FAR1: variants seen among roughly 807,000 people sequenced by gnomAD.
The protein encoded by FAR1 is male sterility domain-containing protein 2.
In FAR1, 22 loss-of-function variants were observed where a neutral mutation model predicts 61.1. That is an observed-to-expected ratio of 0.36 (90% CI 0.26 to 0.51). The LOEUF (loss-of-function observed/expected upper bound fraction) is 0.51, where lower values mean the gene tolerates loss of function less well. FAR1 is among the 20% of genes least tolerant of loss of function. FAR1 has a pLI of 0.95. For synonymous variants in FAR1, 206 were observed against 209.7 expected (o/e 0.98, Z 0.15); for missense variants, 359 against 626.9 (o/e 0.57, Z 4.56).
chr11:13,668,737 C>A lies in FAR1; in HGVS notation c.-77C>A, dbSNP rs983570612. 1.9e-5 allele frequency: 3 copies of A among 155,632 alleles called. No individual in the cohort carries two copies. Among genetic ancestry groups the A allele is most frequent in the Non-Finnish European group, 2.8e-5 (2 of 71,092 alleles). The allele number at this position is 155,632 out of a possible 1,614,324, so 9.6% of individuals were successfully genotyped here. On this transcript the variant is annotated 5_prime_UTR_variant, in exon 1 of 12. Transcript: ENST00000354817. Reference sequence around the variant, plus strand: ...AAAGCGAGTGAAGAGAGCGCGACGGCGGCGGCGGCGGCGGCGCAGCTATTG... The same window carrying A: ...AAAGCGAGTGAAGAGAGCGCGACGGAGGCGGCGGCGGCGGCGCAGCTATTG...
intron 1 of FAR1, among the ~76,000 whole-genome samples, chr11:13,693,171 A>G (rs1461553197): frequency 6.6e-6 from 1 of 152,168 alleles, no homozygotes; most frequent in Non-Finnish European, 1.5e-5. Flanking sequence ...AAATACACTG[A>G]CACTAACAAC....
intron 4 of FAR1, among the ~76,000 whole-genome samples, 158 bp downstream of exon 4, chr11:13,708,237 G>C (rs1043340889): frequency 1.3e-5 from 2 of 151,868 alleles, no homozygotes; most frequent in Non-Finnish European, 2.9e-5. Flanking sequence ...GGTGGCAGGC[G>C]CCTGTAGTCC....
intron 10 of FAR1, among the ~76,000 whole-genome samples, chr11:13,722,878 A>G (rs1848627096): frequency 6.7e-6 from 1 of 148,962 alleles, no homozygotes; most frequent in African/African-American, 2.5e-5. Flanking sequence ...ATATATATAT[A>G]AAATATGTAT....
intron 10 of FAR1, among the ~76,000 whole-genome samples, chr11:13,725,421 TA>T (rs1313336697): frequency 1.4e-5 from 2 of 143,150 alleles, no homozygotes; most frequent in Non-Finnish European, 3.0e-5. Context: ...ACCTAGTACA[TA>T]AAATGTTTAT....
intron 1 of FAR1, among the ~76,000 whole-genome samples, chr11:13,670,301 A>T (rs962638008): frequency 6.6e-6 from 1 of 151,930 alleles, no homozygotes; most frequent in Non-Finnish European, 1.5e-5. Flanking sequence ...TATTTTATAA[A>T]TTTGTGTGTG....
intron 11 of FAR1, among the ~76,000 whole-genome samples, chr11:13,727,911 G>A (rs889280571): frequency 4.0e-5 from 6 of 151,630 alleles, no homozygotes; most frequent in Admixed American, 2.0e-4. Context: ...GACTTTGCAG[G>A]GCAGCCAGTT....
chr11:13,692,911 T>C (rs1848266299), intron 1 of FAR1, among the ~76,000 whole-genome samples: 1 of 152,214 alleles, frequency 6.6e-6, no homozygotes, highest in Non-Finnish European at 1.5e-5. Flanking sequence ...GGTCTTTCTT[T>C]ATTTTGTAGG....
chr11:13,728,360 CA>C lies in FAR1; in HGVS notation c.1386-243del, dbSNP rs544187698. ...ACAACTTGTAAGCAACTAAAGATGT[CA>C]AAAAAAAAGTTTGCTCTATTTTGTC... On this transcript the variant is annotated intron_variant, in intron 11 of 11. Transcript: ENST00000354817. 4.8e-3 allele frequency among the ~76,000 whole-genome samples: 716 copies of C among 150,114 alleles called. 3 individuals carry two copies. Among genetic ancestry groups the C allele is most frequent in the Middle Eastern group, 0.017 (5 of 290 alleles).
chr11:13,689,016 G>C (rs1848218688), intron 1 of FAR1, among the ~76,000 whole-genome samples: 1 of 152,056 alleles, frequency 6.6e-6, no homozygotes, highest in Non-Finnish European at 1.5e-5. Flanking sequence ...ACCTGAAGTA[G>C]ATTATAATGA....
chr11:13,720,542 T>A (rs1161594187), intron 9 of FAR1: 1 of 152,138 alleles, frequency 6.6e-6, no homozygotes, highest in Non-Finnish European at 1.5e-5. Context: ...AGTTTTTTTT[T>A]ACATAGTTTA....
intron 4 of FAR1, among the ~76,000 whole-genome samples, chr11:13,709,755 C>G (rs1173976116): frequency 6.6e-6 from 1 of 151,990 alleles, no homozygotes; most frequent in East Asian, 1.9e-4. Flanking sequence ...AAAAGTACTT[C>G]CATATACAGA....
At chr11:13,678,872 C>G (rs1314928350) in intron 1 of FAR1, among the ~76,000 whole-genome samples, 3 of 152,004 alleles carry the variant, frequency 2.0e-5, no homozygotes, top group African/African-American at 7.3e-5. Flanking sequence ...TAGGTTCAGG[C>G]TTGAGAACAA....
intron 9 of FAR1, chr11:13,720,985 G>T (rs904874734): frequency 2.6e-5 from 4 of 152,048 alleles, no homozygotes; most frequent in Non-Finnish European, 5.9e-5. Context: ...AAAGATTAAA[G>T]CTCCTTGTAC....
At chr11:13,681,764 G>A (rs1232910232) in intron 1 of FAR1, among the ~76,000 whole-genome samples, 1 of 152,160 alleles carries the variant, frequency 6.6e-6, no homozygotes, top group African/African-American at 2.4e-5. Context: ...CATAAAAATT[G>A]TGGAAGAAAA....
intron 2 of FAR1, among the ~76,000 whole-genome samples, chr11:13,697,348 G>T (rs959312298): frequency 6.6e-6 from 1 of 152,080 alleles, no homozygotes; most frequent in Non-Finnish European, 1.5e-5. Flanking sequence ...TGTGGTCCCA[G>T]CTACTCGGGA....
chr11:13,713,119 G>A, intron 8 of FAR1, 86 bp downstream of exon 8: 1 of 1,126,780 alleles, frequency 8.9e-7, no homozygotes, highest in East Asian at 2.3e-5. Context: ...ATACCTATGA[G>A]GCATTAAGGC....
At chr11:13,691,496 A>G (rs1848249334) in intron 1 of FAR1, among the ~76,000 whole-genome samples, 1 of 152,210 alleles carries the variant, frequency 6.6e-6, no homozygotes, top group Non-Finnish European at 1.5e-5. Context: ...ATTCGAAAGT[A>G]AAACTCCTTA....
Position 13,714,691 on chromosome 11 carries a change from C to T in FAR1, c.1127+11C>T. 6.3e-7 allele frequency: 1 copy of T among 1,599,514 alleles called. No homozygotes were observed. Among genetic ancestry groups the T allele is most frequent in the Non-Finnish European group, 8.5e-7 (1 of 1,173,842 alleles). On this transcript the variant is annotated intron_variant, in intron 9 of 11. Coordinates refer to ENST00000354817, the MANE Select transcript of FAR1 (RefSeq NM_032228.6). The stretch of plus-strand genomic sequence containing the variant: ...TGGAAGAAGCCCAAGGTAATGGTGA[C>T]TAGCTCTGTCTTATCTGTTCCTCTG...
chr11:13,671,228 G>C (rs925642177), intron 1 of FAR1, among the ~76,000 whole-genome samples: 7 of 152,214 alleles, frequency 4.6e-5, no homozygotes, highest in African/African-American at 1.4e-4. Context: ...ATGTGAACTA[G>C]AAGTTGGGAT....
Sources: allele counts gnomAD v4.1 joint callset (sites outside exome capture counted in the v4.1 genomes callset), GRCh38; gene constraint gnomAD v4.1.1; transcripts MANE v1.5; gene names NCBI Gene and HGNC (gene_info 2026-07-23, HGNC 2026-07-21).